Variants in IQGAP2 observed in about 807,000 individuals in gnomAD.
IQGAP2 encodes the protein IQ motif containing GTPase activating protein 2.
IQGAP2 carries 173 observed loss-of-function variants against 201.3 expected under a neutral mutation model. The ratio of observed to expected loss-of-function variants is 0.86; its 90% CI spans 0.76 to 0.98. IQGAP2 has a LOEUF of 0.98. IQGAP2 is among the 50% of genes least tolerant of loss of function. The probability of loss-of-function intolerance (pLI) is 0.00; values close to 1 mark genes in which losing one functional copy is unlikely to be tolerated. For missense variants in IQGAP2, 1,687 were observed against 1,864.8 expected (o/e 0.90, Z 1.76); for synonymous variants, 675 against 673.9 (o/e 1.00, Z -0.03).
At chr5:76,654,160 T>C in intron 18 of IQGAP2, 40 bp from the exon 19 acceptor site, 1 of 1,411,710 alleles carries the variant, frequency 7.1e-7, no homozygotes, top group Non-Finnish European at 9.9e-7. Flanking sequence ...CTTTTCTCTT[T>C]ATTTTTTGTT....
chr5:76,442,567 T>C (rs1415667942), intron 1 of IQGAP2, among the ~76,000 whole-genome samples: 1 of 152,204 alleles, frequency 6.6e-6, no homozygotes. Context: ...ACGCACCTGG[T>C]CACTCGTGCT....
At chr5:76,666,404 G>C (rs1044578082) in intron 22 of IQGAP2, among the ~76,000 whole-genome samples, 4 of 152,220 alleles carry the variant, frequency 2.6e-5, no homozygotes, top group African/African-American at 9.6e-5. Context: ...GAAATTTCAA[G>C]CATATTGAAG....
At chr5:76,598,175 G>A (rs1747173556) in intron 10 of IQGAP2, among the ~76,000 whole-genome samples, 2 of 152,112 alleles carry the variant, frequency 1.3e-5, no homozygotes, top group South Asian at 2.1e-4. Context: ...CATATAACAA[G>A]GCTCGTATTT....
At chr5:76,563,341 A>G (rs1566) in intron 3 of IQGAP2, among the ~76,000 whole-genome samples, 8,591 of 152,270 alleles carry the variant, frequency 0.056, 714 homozygotes, top group East Asian at 0.44. Context: ...TCAATTTTAT[A>G]GTAATAAAAA....
At chr5:76,437,108 A>G (rs1242515724) in intron 1 of IQGAP2, among the ~76,000 whole-genome samples, 6 of 150,970 alleles carry the variant, frequency 4.0e-5, no homozygotes, top group African/African-American at 7.3e-5. Context: ...CTGGAGTGCA[A>G]TGGCGCAATC....
intron 26 of IQGAP2, 135 bp downstream of exon 26, chr5:76,674,171 T>C (rs1056703969): frequency 1.6e-6 from 1 of 632,066 alleles, no homozygotes; most frequent in Non-Finnish European, 2.8e-6. Context: ...TTCTAATGAC[T>C]CTCAAGATAA....
At chr5:76,630,206 A>C (rs1238054608) in intron 14 of IQGAP2, among the ~76,000 whole-genome samples, 3 of 152,208 alleles carry the variant, frequency 2.0e-5, no homozygotes, top group Non-Finnish European at 4.4e-5. Context: ...TGAAGGAAGA[A>C]GGAAAAACTA....
chr5:76,660,836 T>C (rs1743186092), intron 21 of IQGAP2, among the ~76,000 whole-genome samples: 1 of 152,048 alleles, frequency 6.6e-6, no homozygotes, highest in Non-Finnish European at 1.5e-5. Context: ...TTTATAGTAG[T>C]GAAAAAGTGG....
At chr5:76,644,760 A>T (rs2455235) in intron 17 of IQGAP2, among the ~76,000 whole-genome samples, 97,103 of 152,010 alleles carry the variant, frequency 0.64, 31,038 homozygotes, top group South Asian at 0.78. Context: ...CTCATCTCAA[A>T]GGAACTAAAA....
At position 76,589,724 on chromosome 5, in the gene IQGAP2, T is replaced by C; in HGVS notation, c.636T>C (p.Ala212=). ...CCAATGAACTGTCCGTGGATGAAGCTGCATGTAAGTCCATTCAAAATCCAA... is the reference window on the plus strand; with the variant it reads ...CCAATGAACTGTCCGTGGATGAAGCCGCATGTAAGTCCATTCAAAATCCAA... ...ILANELSVDE[A]ALHAAVIAIN... Residue 212 remains alanine (A), a synonymous_variant, in exon 7 of 36, where the codon GCT becomes GCC. Coordinates refer to ENST00000274364, the MANE Select transcript of IQGAP2 (RefSeq NM_006633.5). The C allele has an allele frequency of 6.3e-7, 1 of 1,579,632 alleles. No homozygotes were observed. Among genetic ancestry groups the C allele is most frequent in the Non-Finnish European group, 8.6e-7 (1 of 1,159,848 alleles).
intron 1 of IQGAP2, among the ~76,000 whole-genome samples, chr5:76,446,858 A>G (rs1012254499): frequency 6.6e-6 from 1 of 152,230 alleles, no homozygotes; most frequent in Non-Finnish European, 1.5e-5. Flanking sequence ...GATGTGGGGA[A>G]AAAACAGATG....
At chr5:76,622,184 T>C (rs1749760796) in intron 13 of IQGAP2, among the ~76,000 whole-genome samples, 1 of 152,032 alleles carries the variant, frequency 6.6e-6, no homozygotes, top group African/African-American at 2.4e-5. Flanking sequence ...CGTTTTCACC[T>C]CCATCAAACC....
intron 2 of IQGAP2, among the ~76,000 whole-genome samples, chr5:76,481,324 T>TC (rs1334450155): frequency 6.6e-6 from 1 of 152,198 alleles, no homozygotes; most frequent in Non-Finnish European, 1.5e-5. Flanking sequence ...AATTTTAATG[T>TC]ATTTTATTTA....
In IQGAP2 at chr5:76,585,511, CT is replaced by C. The variant is rs564909771; in HGVS notation, c.459-3388del. On this transcript the variant is annotated intron_variant, in intron 5 of 35. Transcript: ENST00000274364. ...TTCATCTATTCTCATTTCTTTTTTT[CT>C]TTTTTTCTTTTTTTTTTTGAGGTGG... Among the ~76,000 whole-genome samples the C allele has an allele frequency of 2.0e-5, 3 of 149,606 alleles. 1 individual carries two copies. The highest frequency in any genetic ancestry group is 4.2e-4 in the South Asian group (2 of 4,786).
intron 2 of IQGAP2, among the ~76,000 whole-genome samples, chr5:76,463,327 C>G (rs1754594870): frequency 6.6e-6 from 1 of 152,024 alleles, no homozygotes; most frequent in Non-Finnish European, 1.5e-5. Flanking sequence ...GTTGGTTTGC[C>G]TAACTTCCTG....
chr5:76,535,565 G>T (rs1437711521), intron 2 of IQGAP2, among the ~76,000 whole-genome samples: 1 of 152,224 alleles, frequency 6.6e-6, no homozygotes, highest in Non-Finnish European at 1.5e-5. Flanking sequence ...GACCCTGTGT[G>T]ATTGCTATGC....
intron 14 of IQGAP2, 114 bp from the exon 15 acceptor site, chr5:76,631,745 A>T: frequency 1.4e-6 from 1 of 704,442 alleles, no homozygotes. Flanking sequence ...ATATTCTCAA[A>T]GGGTAAAAAT....
In IQGAP2 at chr5:76,631,927, T is replaced by C; in HGVS notation, c.1681T>C (p.Leu561=). 6.2e-7 allele frequency: 1 copy of C among 1,612,780 alleles called. No individual in the cohort carries two copies. The highest frequency in any genetic ancestry group is 8.5e-7 in the Non-Finnish European group (1 of 1,179,170). ...GKKSSDILSV[L]KSSTSNANDI... is the part of the protein sequence containing the mutation. The stretch of plus-strand genomic sequence containing the variant: ...AAAATCAAGTGATATTTTGTCTGTA[T>C]TGAAGTCTTCCACTTCTAATGCAAA... The change falls in exon 15 of 36, where the codon TTG becomes CTG. Residue 561 remains leucine, a synonymous_variant. Coordinates refer to ENST00000274364, the MANE Select transcript of IQGAP2 (RefSeq NM_006633.5).
intron 1 of IQGAP2, among the ~76,000 whole-genome samples, chr5:76,417,351 G>A (rs566629785): frequency 2.0e-5 from 3 of 152,184 alleles, no homozygotes; most frequent in African/African-American, 4.8e-5. Context: ...GTACAGTGGC[G>A]GGATCTCTGC....
Sources: allele counts gnomAD v4.1 joint callset (sites outside exome capture counted in the v4.1 genomes callset), GRCh38; gene constraint gnomAD v4.1.1; transcripts MANE v1.5; gene names NCBI Gene and HGNC (gene_info 2026-07-23, HGNC 2026-07-21).